The following CBL variants were observed in gnomAD, a reference collection of about 807,000 sequenced individuals.
The protein encoded by CBL is E3 ubiquitin-protein ligase CBL.
A neutral mutation model predicts 96.9 loss-of-function variants in CBL; 45 were observed. The observed-to-expected ratio is 0.46, with a 90% CI of 0.37 to 0.60. The LOEUF (loss-of-function observed/expected upper bound fraction) is 0.60, where lower values mean the gene tolerates loss of function less well. CBL is among the 20% of genes least tolerant of loss of function. The pLI is 0.00. For synonymous variants in CBL, 420 were observed against 426.8 expected, an observed-to-expected ratio of 0.98 and a Z score of 0.20; for missense variants, 1,024 against 1,143.5, an observed-to-expected ratio of 0.90 and a Z score of 1.51.
At chr11:119,272,817 A>T (rs1189852693) in intron 3 of CBL, among the ~76,000 whole-genome samples, 1 of 151,908 alleles carries the variant, frequency 6.6e-6, no homozygotes, top group Non-Finnish European at 1.5e-5. Flanking sequence ...ATTATAGGTT[A>T]CTAGTTCTTT....
At chr11:119,206,877 C>T (rs1211342237) in intron 1 of CBL, among the ~76,000 whole-genome samples, 1 of 150,644 alleles carries the variant, frequency 6.6e-6, no homozygotes, top group Non-Finnish European at 1.5e-5. Flanking sequence ...GGAGTGGGGG[C>T]TGGGGCGAAG....
intron 2 of CBL, among the ~76,000 whole-genome samples, chr11:119,264,098 G>A (rs998423739): frequency 6.6e-6 from 1 of 152,114 alleles, no homozygotes; most frequent in Non-Finnish European, 1.5e-5. Context: ...CAGCTTTTTT[G>A]TTAATCATTG....
chr11:119,237,582 T>C (rs1949555254), intron 2 of CBL, among the ~76,000 whole-genome samples: 1 of 152,234 alleles, frequency 6.6e-6, no homozygotes, highest in Non-Finnish European at 1.5e-5. Context: ...GAGGTCCAAC[T>C]TGATTCTCTT....
chr11:119,211,416 T>C lies in CBL; in HGVS notation c.195+4804T>C, dbSNP rs146422197. Among the ~76,000 whole-genome samples, 82 of 152,264 alleles carry C rather than the reference T, an allele frequency of 5.4e-4. 1 individual carries two copies. In the East Asian group the frequency reaches 0.013, roughly 23 times the overall value. ...TCTTATTGTATGGTACTGCAGGTAA[T>C]GGAAACCTCAGATACGGGGAGATAC... On this transcript the variant is annotated intron_variant, in intron 1 of 15. Coordinates refer to ENST00000264033, the MANE Select transcript of CBL (RefSeq NM_005188.4).
At chr11:119,256,579 T>TA (rs1279697911) in intron 2 of CBL, among the ~76,000 whole-genome samples, 7 of 152,166 alleles carry the variant, frequency 4.6e-5, no homozygotes, top group Non-Finnish European at 7.3e-5. Context: ...TCAGTAACTT[T>TA]AGGGATACAG....
chr11:119,224,447 A>G (rs569784660), intron 1 of CBL, among the ~76,000 whole-genome samples: 105 of 152,228 alleles, frequency 6.9e-4, no homozygotes, highest in African/African-American at 2.4e-3. Context: ...CTCCCTGCCA[A>G]AAGTTAACCA....
chr11:119,251,665 T>G (rs2135280462), intron 2 of CBL, among the ~76,000 whole-genome samples: 1 of 152,332 alleles, frequency 6.6e-6, no homozygotes, highest in Middle Eastern at 3.4e-3. Context: ...CTGAAATTTC[T>G]AATGGAACAT....
At chr11:119,224,640 G>T (rs1949440765) in intron 1 of CBL, among the ~76,000 whole-genome samples, 3 of 152,038 alleles carry the variant, frequency 2.0e-5, no homozygotes, top group African/African-American at 7.2e-5. Flanking sequence ...CGCCAGGCTG[G>T]AGTGCAGTGG....
intron 2 of CBL, among the ~76,000 whole-genome samples, chr11:119,244,929 C>T (rs1186304894): frequency 3.3e-5 from 5 of 151,976 alleles, no homozygotes; most frequent in Admixed American, 2.0e-4. Flanking sequence ...CTTACTGCTG[C>T]CTCTTCCAGG....
At chr11:119,206,807 G>A (rs2135244484) in intron 1 of CBL, among the ~76,000 whole-genome samples, 195 bp downstream of exon 1, 1 of 151,864 alleles carries the variant, frequency 6.6e-6, no homozygotes, top group East Asian at 1.9e-4. Flanking sequence ...GTGGGGGAGG[G>A]GCTGCCGTTG....
intron 1 of CBL, among the ~76,000 whole-genome samples, chr11:119,214,844 A>C (rs905688383): frequency 6.6e-6 from 1 of 150,456 alleles, no homozygotes; most frequent in Non-Finnish European, 1.5e-5. Flanking sequence ...CTTTGTCTTA[A>C]CACAGTCCCT....
At chr11:119,276,283 C>A in intron 6 of CBL, 149 bp downstream of exon 6, 1 of 831,440 alleles carries the variant, frequency 1.2e-6, no homozygotes. Flanking sequence ...CCTTCAGGTC[C>A]TGGAAGACTT....
rs1256747908 is a variant in CBL at position 119,307,607 on chromosome 11, G to C, written c.*7826G>C. The C allele has an allele frequency of 4.3e-6, 1 of 231,594 alleles. No homozygotes were observed. The highest frequency in any genetic ancestry group is 8.6e-6 in the Non-Finnish European group (1 of 116,918). 14.3% of individuals were successfully genotyped at this position (231,594 alleles called of 1,614,324 possible). ...GTGACTATAGTGAGCTTTAGCAAAA[G>C]TTTTTCTATATAATGACATCTTACT... On this transcript the variant is annotated 3_prime_UTR_variant, in exon 16 of 16. Coordinates refer to ENST00000264033, the MANE Select transcript of CBL (RefSeq NM_005188.4).
At chr11:119,210,461 G>T (rs1004019045) in intron 1 of CBL, among the ~76,000 whole-genome samples, 18 of 151,986 alleles carry the variant, frequency 1.2e-4, no homozygotes, top group African/African-American at 4.1e-4. Flanking sequence ...TTATTTATTT[G>T]CTCTGTCACC....
intron 9 of CBL, among the ~76,000 whole-genome samples, chr11:119,284,252 G>T (rs999336106): frequency 1.3e-5 from 2 of 151,754 alleles, no homozygotes; most frequent in African/African-American, 4.8e-5. Flanking sequence ...GTTTTCCCAG[G>T]TACTTTGTTA....
At chr11:119,220,039 G>A (rs189608148) in intron 1 of CBL, among the ~76,000 whole-genome samples, 4,246 of 152,042 alleles carry the variant, frequency 0.028, 225 homozygotes, top group African/African-American at 0.096. Context: ...TAGTAGAGGC[G>A]GGGTTTCACC....
chr11:119,294,003 G>A (rs1950047159), intron 12 of CBL, among the ~76,000 whole-genome samples: 1 of 152,176 alleles, frequency 6.6e-6, no homozygotes, highest in African/African-American at 2.4e-5. Context: ...TTGAATCTTA[G>A]CCTGTTAAGT....
rs982211040 is a variant in CBL at position 119,306,448 on chromosome 11, A to G, written c.*6667A>G. On this transcript the variant is annotated 3_prime_UTR_variant, in exon 16 of 16. Transcript: ENST00000264033. ...TTCTCCTTCTGCCCCTAAATCAGAC[A>G]GGAGGCCAGAGAGGAGTATTGCTCA... 1.3e-5 allele frequency: 5 copies of G among 398,042 alleles called. No homozygotes were observed. The highest frequency in any genetic ancestry group is 2.2e-5 in the Non-Finnish European group (5 of 225,954). 24.7% of individuals were successfully genotyped at this position (398,042 alleles called of 1,614,324 possible).
chr11:119,210,102 A>G (rs758216404), intron 1 of CBL, among the ~76,000 whole-genome samples: 2 of 152,206 alleles, frequency 1.3e-5, no homozygotes, highest in Non-Finnish European at 2.9e-5. Flanking sequence ...CCTTAAATGT[A>G]TGCTGGGCTC....
Sources: allele counts gnomAD v4.1 joint callset (sites outside exome capture counted in the v4.1 genomes callset), GRCh38; gene constraint gnomAD v4.1.1; transcripts MANE v1.5; gene names NCBI Gene and HGNC (gene_info 2026-07-23, HGNC 2026-07-21).